MORC2: variants seen among roughly 807,000 people sequenced by gnomAD.
MORC2 encodes the protein ATPase MORC2.
MORC2 carries 30 observed loss-of-function variants against 136.0 expected under a neutral mutation model. The observed-to-expected ratio is 0.22, with a 90% CI of 0.17 to 0.30. The LOEUF is 0.30. Among genes scored for constraint, MORC2 ranks in the 10% least tolerant of loss-of-function variants. The pLI, the probability that MORC2 is intolerant of heterozygous loss-of-function variation, is 1.00. For missense variants in MORC2, 922 were observed against 1,333.1 expected, an observed-to-expected ratio of 0.69 and a Z score of 4.80; for synonymous variants, 439 against 487.0, an observed-to-expected ratio of 0.90 and a Z score of 1.30.
chr22:30,932,562 C>T lies in MORC2; in HGVS notation c.2730G>A (p.Leu910=). 1 of 1,614,102 alleles carries T rather than the reference C, an allele frequency of 6.2e-7. No homozygotes were observed. The highest frequency in any genetic ancestry group is 8.5e-7 in the Non-Finnish European group (1 of 1,180,014). The change falls in exon 23 of 26, where the codon CTG becomes CTA. Residue 910 remains leucine, a synonymous_variant. Transcript: ENST00000397641. The surrounding 1 kb of genome is among the most constrained non-coding windows in gnomAD (Gnocchi z 4.4). ...ALSTNHETID[L]LVQILRNCLR... ...ACATGTACCGGAGGATCTGGACAAG[C>T]AGGTCGATGGTCTCGTGATTGGTGC...
In MORC2 at chr22:30,935,137, G is replaced by A. The variant is rs2040634260; in HGVS notation, c.1837C>T (p.Pro613Ser). ...TEEPVRRPQR[P>S]RSPPLPAVIR... Reference sequence around the variant, plus strand: ...ACAGCAGGTAAAGGGGGCGACCGAGGACGCTGAGGTCTACGCACAGGTTCC... The same window carrying A: ...ACAGCAGGTAAAGGGGGCGACCGAGAACGCTGAGGTCTACGCACAGGTTCC... The change falls in exon 19 of 26, where the codon CCT becomes TCT. Residue 613 changes from proline (P) to serine (S), a missense_variant. Pro to Ser is a moderately conservative substitution (Grantham distance 74, BLOSUM62 -1). Transcript: ENST00000397641. The A allele has an allele frequency of 1.2e-6, 2 of 1,613,246 alleles. No individual in the cohort carries two copies. Among genetic ancestry groups the A allele is most frequent in the East Asian group, 4.5e-5 (2 of 44,848 alleles).
At chr22:30,947,060 G>A (rs763602741) in intron 5 of MORC2, among the ~76,000 whole-genome samples, 1 of 152,190 alleles carries the variant, frequency 6.6e-6, no homozygotes, top group Non-Finnish European at 1.5e-5. Flanking sequence ...GTAATACAGA[G>A]GGGCTAATAA....
At position 30,937,443 on chromosome 22, in the gene MORC2, C is replaced by T. The variant is rs2040670392; in HGVS notation, c.1498+140G>A. 6 of 1,299,690 alleles carry T rather than the reference C, an allele frequency of 4.6e-6. No homozygotes were observed. The highest frequency in any genetic ancestry group is 4.4e-5 in the African/African-American group (3 of 67,686). The allele number at this position is 1,299,690 out of a possible 1,614,324, so 80.5% of individuals were successfully genotyped here. The stretch of plus-strand genomic sequence containing the variant: ...AAGCCTCAAGACTGAGCTCACAGGG[C>T]CATCGTCAAACAGACTTGGATCCCT... On this transcript the variant is annotated intron_variant, in intron 15 of 25. Coordinates refer to ENST00000397641, the MANE Select transcript of MORC2 (RefSeq NM_001303256.3). This position sits in a 1 kb window ranked among gnomAD's most constrained non-coding sequence, Gnocchi z 4.7.
chr22:30,950,353 C>CCCAAAA, intron 4 of MORC2, 24 bp downstream of exon 4: 2 of 1,481,926 alleles, frequency 1.3e-6, no homozygotes, highest in Non-Finnish European at 1.9e-6. Context: ...CCCCACCCCC[C>CCCAAAA]AAAACAATAA....
intron 10 of MORC2, 151 bp from the exon 11 acceptor site, chr22:30,940,192 G>A: frequency 1.4e-6 from 1 of 736,120 alleles, no homozygotes; most frequent in East Asian, 2.7e-5. Context: ...TGTGAGGGCA[G>A]CCTCTGTGCC....
chr22:30,931,066 C>G (rs1026351652), intron 24 of MORC2, among the ~76,000 whole-genome samples: 1 of 152,204 alleles, frequency 6.6e-6, no homozygotes, highest in Admixed American at 6.5e-5. Flanking sequence ...CTTTCACCCC[C>G]AAGCCCACTG....
chr22:30,950,359 A>G lies in MORC2; in HGVS notation c.226+18T>C, dbSNP rs114021247. On this transcript the variant is annotated intron_variant, in intron 4 of 25. Transcript: ENST00000397641. Reference sequence around the variant, plus strand: ...ATCGCACCCCCCCACCCCCCAAAACAATAATCTCATCACTTACTTGGATCC... The same window carrying G: ...ATCGCACCCCCCCACCCCCCAAAACGATAATCTCATCACTTACTTGGATCC... 2.6e-3 allele frequency: 2,861 copies of G among 1,099,080 alleles called. 51 individuals are homozygous for G. The African/African-American group carries it at 0.046, about 18-fold the overall frequency. 68.1% of individuals were successfully genotyped at this position (1,099,080 alleles called of 1,614,324 possible). A position where few individuals can be genotyped will look rare whatever the true frequency, so the allele number is the denominator to read the frequency against.
chr22:30,933,176 C>G, intron 21 of MORC2, 146 bp from the exon 22 acceptor site: 1 of 1,234,358 alleles, frequency 8.1e-7, no homozygotes, highest in Non-Finnish European at 1.1e-6. Context: ...ACACAGAGAC[C>G]AGGGACCAGC....
Position 30,927,651 on chromosome 22 carries a change from C to G in MORC2, c.3030+368G>C, listed in dbSNP as rs1602471284. ...CTGTATCCACAGGACAGGCACAGAG[C>G]AGGCCCTCATGCTTATTGCCTGGAT... On this transcript the variant is annotated intron_variant, in intron 25 of 25. Coordinates refer to ENST00000397641, the MANE Select transcript of MORC2 (RefSeq NM_001303256.3). Among the ~76,000 whole-genome samples, 6 of 152,366 alleles carry G rather than the reference C, an allele frequency of 3.9e-5. 1 individual carries two copies. The highest frequency in any genetic ancestry group is 3.9e-4 in the Admixed American group (6 of 15,308).
At position 30,934,514 on chromosome 22, in the gene MORC2, A is replaced by G. The variant is rs1015587785; in HGVS notation, c.2193+267T>C. Among the ~76,000 whole-genome samples the G allele has an allele frequency of 7.9e-5, 12 of 152,064 alleles. No individual in the cohort carries two copies. Among genetic ancestry groups the G allele is most frequent in the Non-Finnish European group, 1.5e-4 (10 of 68,002 alleles). ...CACCAGATGACTGACCTAAGCCCAC[A>G]CTTCGAGAGCCAGTGGAGGTGACTC... On this transcript the variant is annotated intron_variant, in intron 19 of 25. Coordinates refer to ENST00000397641, the MANE Select transcript of MORC2 (RefSeq NM_001303256.3). This position sits in a 1 kb window ranked among gnomAD's most constrained non-coding sequence, Gnocchi z 4.4.
chr22:30,966,981 G>A (rs554196167), intron 1 of MORC2: 5 of 531,788 alleles, frequency 9.4e-6, no homozygotes, highest in African/African-American at 4.1e-5. Flanking sequence ...CTATACTCTC[G>A]ACTCTGAAGT....
At chr22:30,954,561 C>T (rs1474475620) in intron 3 of MORC2, among the ~76,000 whole-genome samples, 4 of 152,164 alleles carry the variant, frequency 2.6e-5, no homozygotes, top group Admixed American at 2.6e-4. Flanking sequence ...CAAAGACCCC[C>T]ATCTCCTCCT....
intron 1 of MORC2, chr22:30,967,531 T>G: frequency 3.3e-6 from 4 of 1,199,128 alleles, no homozygotes; most frequent in Non-Finnish European, 3.1e-6. Context: ...ATTTGTTGGA[T>G]TCCTATAAAC....
At position 30,936,933 on chromosome 22, in the gene MORC2, G is replaced by A. The variant is rs576981610; in HGVS notation, c.1603C>T (p.Arg535Trp). The A allele has an allele frequency of 3.7e-5, 59 of 1,611,284 alleles. No homozygotes were observed. The highest frequency in any genetic ancestry group is 4.5e-5 in the East Asian group (2 of 44,870). ...CSMNPDPEQD[R>W]CEASEQKQKV... is the part of the protein sequence containing the mutation. ...CCCCTTGTTAGACAATGTGCTCACC[G>A]GTCCTGTTCAGGATCAGGGTTCATG... is the stretch of plus-strand genomic sequence containing the variant. The change falls in exon 16 of 26, where the codon CGG (arginine) becomes TGG (tryptophan). Residue 535 changes from arginine (R) to tryptophan (W), a missense_variant and splice_region_variant. Coordinates refer to ENST00000397641, the MANE Select transcript of MORC2 (RefSeq NM_001303256.3).
At chr22:30,954,465 G>A (rs551847356) in intron 3 of MORC2, among the ~76,000 whole-genome samples, 1 of 152,272 alleles carries the variant, frequency 6.6e-6, no homozygotes, top group South Asian at 2.1e-4. Context: ...TAACTGTCTT[G>A]ACTGTTCCCT....
intron 24 of MORC2, among the ~76,000 whole-genome samples, chr22:30,931,000 C>T (rs560991971): frequency 1.5e-3 from 225 of 152,362 alleles, no homozygotes; most frequent in Non-Finnish European, 2.5e-3. Flanking sequence ...TTCCCACAGA[C>T]CTGAGTCACT....
At chr22:30,956,006 C>CA (rs576674402) in intron 3 of MORC2, among the ~76,000 whole-genome samples, 5,864 of 50,826 alleles carry the variant, frequency 0.12, 321 homozygotes, top group East Asian at 0.22. Flanking sequence ...GACTCCATCT[C>CA]AAAAAAAAAA....
intron 5 of MORC2, among the ~76,000 whole-genome samples, chr22:30,948,186 A>C (rs2040845191): frequency 1.3e-5 from 2 of 152,166 alleles, no homozygotes; most frequent in Admixed American, 1.3e-4. Flanking sequence ...ACATTCAGGG[A>C]GGTGAAATGG....
At chr22:30,927,003 C>A (rs1408598057) in intron 25 of MORC2, 132 bp from the exon 26 acceptor site, 4 of 674,058 alleles carry the variant, frequency 5.9e-6, no homozygotes, top group Admixed American at 2.4e-5. Context: ...CCCTGGATGT[C>A]AGGCTTCTGT....
Sources: gnomAD v4.1 joint callset for allele counts (sites outside exome capture counted in the v4.1 genomes callset) on GRCh38, gnomAD v4.1.1 for gene constraint, Gnocchi (gnomAD v3.1) non-coding constraint, MANE v1.5 for transcripts, NCBI Gene and HGNC (gene_info 2026-07-23, HGNC 2026-07-21) for gene names.